The following CDH13 variants were observed in gnomAD, a reference collection of about 807,000 sequenced individuals.
CDH13 encodes cadherin-13.
Under a neutral mutation model 63.8 loss-of-function variants are expected in CDH13, and 24 were observed. The ratio of observed to expected loss-of-function variants is 0.38; its 90% CI spans 0.27 to 0.53. The LOEUF (loss-of-function observed/expected upper bound fraction) is 0.53. CDH13 is among the 20% of genes least tolerant of loss of function. The probability of loss-of-function intolerance (pLI) is 0.85; values close to 1 mark genes in which losing one functional copy is unlikely to be tolerated. For missense variants in CDH13, 1,049 were observed against 903.1 expected (o/e 1.16, Z -2.07); for synonymous variants, 503 against 355.3 (o/e 1.42, Z -4.67).
At chr16:82,942,908 G>A (rs542780183) in intron 2 of CDH13, among the ~76,000 whole-genome samples, 8 of 152,240 alleles carry the variant, frequency 5.3e-5, no homozygotes, top group East Asian at 1.9e-4. Flanking sequence ...GCTTGGACTC[G>A]TACTCAGTTC....
At chr16:82,912,264 C>T (rs763155020) in intron 2 of CDH13, among the ~76,000 whole-genome samples, 13 of 81,686 alleles carry the variant, frequency 1.6e-4, no homozygotes, top group South Asian at 4.2e-4. Context: ...TTCATCATGG[C>T]GGAGGGAGTG....
chr16:82,807,379 C>G (rs2037197212), intron 1 of CDH13, among the ~76,000 whole-genome samples: 1 of 152,030 alleles, frequency 6.6e-6, no homozygotes, highest in African/African-American at 2.4e-5. Context: ...TTCTCTTTGG[C>G]AGTTTGGGCG....
chr16:83,210,524 A>T lies in CDH13; in HGVS notation c.484-6821A>T, dbSNP rs535934538. ...CTTAATATTCATTTACGTATTCATT[A>T]TGCAATGTTTATTTAAAAGCCCACC... On this transcript the variant is annotated intron_variant, in intron 4 of 13. Coordinates refer to ENST00000567109, the MANE Select transcript of CDH13 (RefSeq NM_001257.5). 3.9e-5 allele frequency among the ~76,000 whole-genome samples: 6 copies of T among 152,190 alleles called. No individual in the cohort carries two copies. The South Asian group carries it at 1.2e-3, about 32-fold the overall frequency.
At chr16:83,624,225 C>A (rs2150782355) in intron 8 of CDH13, among the ~76,000 whole-genome samples, 1 of 152,170 alleles carries the variant, frequency 6.6e-6, no homozygotes, top group Non-Finnish European at 1.5e-5. Flanking sequence ...GCAGGAACAC[C>A]CACATCCTCT....
chr16:83,199,380 T>A (rs2151763944), intron 4 of CDH13, among the ~76,000 whole-genome samples: 1 of 152,362 alleles, frequency 6.6e-6, no homozygotes, highest in African/African-American at 2.4e-5. Flanking sequence ...GACCAGCATC[T>A]GGAGTTTTGG....
At chr16:83,017,228 G>A (rs983785514) in intron 2 of CDH13, among the ~76,000 whole-genome samples, 1 of 152,132 alleles carries the variant, frequency 6.6e-6, no homozygotes, top group Non-Finnish European at 1.5e-5. Context: ...TGTTTCCTAA[G>A]CTTTGACACA....
chr16:82,677,586 A>G (rs756739262), intron 1 of CDH13, among the ~76,000 whole-genome samples: 2 of 152,108 alleles, frequency 1.3e-5, no homozygotes, highest in Non-Finnish European at 2.9e-5. Flanking sequence ...GGTTCTTTCA[A>G]CAGTGAGGAA....
intron 2 of CDH13, among the ~76,000 whole-genome samples, chr16:83,001,727 A>T (rs1227236858): frequency 6.6e-6 from 1 of 152,230 alleles, no homozygotes; most frequent in East Asian, 1.9e-4. Context: ...GCTGTGACCC[A>T]GAGGACATTT....
At chr16:83,557,002 C>A (rs1042836854) in intron 7 of CDH13, among the ~76,000 whole-genome samples, 7 of 152,248 alleles carry the variant, frequency 4.6e-5, no homozygotes, top group South Asian at 2.1e-4. Flanking sequence ...CCAGGCCCCA[C>A]AGCAGGAGAG....
intron 2 of CDH13, among the ~76,000 whole-genome samples, chr16:82,902,360 A>G (rs1325009523): frequency 6.6e-6 from 1 of 151,760 alleles, no homozygotes; most frequent in African/African-American, 2.4e-5. Context: ...CTTGTTTTCT[A>G]ATCATGATAA....
chr16:83,469,115 G>A (rs904011823), intron 6 of CDH13, among the ~76,000 whole-genome samples: 1 of 152,150 alleles, frequency 6.6e-6, no homozygotes, highest in African/African-American at 2.4e-5. Context: ...TCCAGGAGGT[G>A]GAATTCAGCA....
At chr16:82,842,141 C>T (rs12446276) in intron 1 of CDH13, among the ~76,000 whole-genome samples, 2,738 of 61,484 alleles carry the variant, frequency 0.045, 268 homozygotes, top group African/African-American at 0.07. Context: ...TATATATACA[C>T]ATATATATAT....
At chr16:82,715,478 G>C (rs1254711752) in intron 1 of CDH13, among the ~76,000 whole-genome samples, 1 of 152,138 alleles carries the variant, frequency 6.6e-6, no homozygotes, top group Non-Finnish European at 1.5e-5. Flanking sequence ...GTGCGATGCT[G>C]CCTAAGAAAA....
chr16:82,981,950 C>G lies in CDH13; in HGVS notation c.158-50060C>G, dbSNP rs930805932. Among the ~76,000 whole-genome samples, 8 of 152,260 alleles carry G rather than the reference C, an allele frequency of 5.3e-5. No homozygotes were observed. The East Asian group carries it at 1.5e-3, about 29-fold the overall frequency. ...GGTATCCATGGCAAAACATTCAGTCCCTACTCTTAACCTTGCTGTCTGAAT... is the reference window on the plus strand; with the variant it reads ...GGTATCCATGGCAAAACATTCAGTCGCTACTCTTAACCTTGCTGTCTGAAT... On this transcript the variant is annotated intron_variant, in intron 2 of 13. Coordinates refer to ENST00000567109, the MANE Select transcript of CDH13 (RefSeq NM_001257.5).
chr16:83,043,301 A>C (rs1289894106), intron 3 of CDH13, among the ~76,000 whole-genome samples: 2 of 152,208 alleles, frequency 1.3e-5, no homozygotes, highest in Non-Finnish European at 2.9e-5. Context: ...GATCCCATAG[A>C]AAGTATAGAT....
At chr16:82,824,069 C>G (rs867765809) in intron 1 of CDH13, 2 of 152,052 alleles carry the variant, frequency 1.3e-5, no homozygotes, top group African/African-American at 2.4e-5. Context: ...AAAATCTTGT[C>G]ATACCAAGAA....
At chr16:82,831,156 C>T (rs1315529594) in intron 1 of CDH13, among the ~76,000 whole-genome samples, 1 of 152,114 alleles carries the variant, frequency 6.6e-6, no homozygotes, top group Non-Finnish European at 1.5e-5. Context: ...TAGGAATCTA[C>T]ATTTTCACAA....
intron 5 of CDH13, among the ~76,000 whole-genome samples, chr16:83,323,161 CTTTCTCTTTCT>C (rs1567591061): frequency 2.2e-3 from 6 of 2,672 alleles, no homozygotes; most frequent in African/African-American, 2.7e-3. Context: ...TTCTTTCTTT[CTTTCTCTTTCT>C]TTTTTCTTTC....
At chr16:83,190,930 C>G (rs1347679637) in intron 4 of CDH13, among the ~76,000 whole-genome samples, 2 of 151,984 alleles carry the variant, frequency 1.3e-5, no homozygotes, top group Non-Finnish European at 2.9e-5. Flanking sequence ...CAAAACGACT[C>G]TCCCGACCAT....
Sources: allele counts gnomAD v4.1 joint callset (sites outside exome capture counted in the v4.1 genomes callset), GRCh38; gene constraint gnomAD v4.1.1; transcripts MANE v1.5; gene names NCBI Gene and HGNC (gene_info 2026-07-23, HGNC 2026-07-21).